The following ZNF292 variants were observed in gnomAD, a reference collection of about 807,000 sequenced individuals.
ZNF292 encodes 16 zinc-finger domain protein.
ZNF292 carries 26 observed loss-of-function variants against 217.9 expected under a neutral mutation model. The observed-to-expected ratio is 0.12, with a 90% confidence interval of 0.09 to 0.17. ZNF292 has a LOEUF of 0.17. ZNF292 is among the 10% of genes least tolerant of loss of function. The pLI is 1.00. For missense variants in ZNF292, 2,904 were observed against 3,175.2 expected (o/e 0.91, Z 2.05); for synonymous variants, 1,257 against 1,124.1 (o/e 1.12, Z -2.37).
chr6:87,228,355 T>C (rs193283825), intron 4 of ZNF292, among the ~76,000 whole-genome samples: 5 of 152,304 alleles, frequency 3.3e-5, no homozygotes, highest in Admixed American at 1.3e-4. Flanking sequence ...GATTTGCAAA[T>C]ATTTTCTCTC....
In ZNF292 at chr6:87,258,121, G is replaced by A; in HGVS notation, c.4492G>A (p.Gly1498Ser). The change falls in exon 8 of 8, where the codon GGC becomes AGC. Residue 1498 changes from glycine to serine, a missense_variant. Physicochemically the swap from Gly to Ser is moderately conservative, Grantham distance 56. This residue lies in a region of ZNF292 where 622 missense variants were observed against 573.1 expected (regional missense o/e 1.09). Transcript: ENST00000369577. The stretch of plus-strand genomic sequence containing the variant: ...TATTAAACAGGCTTTGGAAACTGCT[G>A]GCATTCCCAGTACATTTGAGGGTGC... Reference protein sequence around the residue: ...EIIKQALETAGIPSTFEGAEM... With the variant: ...EIIKQALETASIPSTFEGAEM... The A allele has an allele frequency of 6.2e-7, 1 of 1,612,418 alleles. No homozygotes were observed. The highest frequency in any genetic ancestry group is 8.5e-7 in the Non-Finnish European group (1 of 1,179,204).
At chr6:87,190,717 G>C (rs1373800869) in intron 1 of ZNF292, among the ~76,000 whole-genome samples, 1 of 152,004 alleles carries the variant, frequency 6.6e-6, no homozygotes, top group Non-Finnish European at 1.5e-5. Context: ...CAGGTGATTT[G>C]CCCACCTCAG....
At chr6:87,160,692 A>G (rs930139871) in intron 1 of ZNF292, among the ~76,000 whole-genome samples, 1 of 151,838 alleles carries the variant, frequency 6.6e-6, no homozygotes, top group Non-Finnish European at 1.5e-5. Flanking sequence ...GTGTATATAT[A>G]TATATATAAT....
At position 87,259,981 on chromosome 6, in the gene ZNF292, C is replaced by T. The variant is rs1775473894; in HGVS notation, c.6352C>T (p.His2118Tyr). ...TCCTTACAGACCTTATCGATGTGTT[C>T]ACCAGGGATGCTTTGCTGCCTTTAC... Reference protein sequence around the residue: ...YSPYRPYRCVHQGCFAAFTIQ... With the variant: ...YSPYRPYRCVYQGCFAAFTIQ... The change falls in exon 8 of 8, where the codon CAC becomes TAC. Residue 2118 changes from histidine (H) to tyrosine (Y), a missense_variant. By Grantham distance (83) the His-to-Tyr change is moderately conservative (BLOSUM62 2). Transcript: ENST00000369577. 1.1e-5 allele frequency: 17 copies of T among 1,613,608 alleles called. No homozygotes were observed. The highest frequency in any genetic ancestry group is 1.4e-5 in the Non-Finnish European group (16 of 1,179,680).
chr6:87,173,966 C>A, intron 1 of ZNF292: 1 of 256,124 alleles, frequency 3.9e-6, no homozygotes, highest in South Asian at 5.0e-5. Context: ...TACCCTGGTT[C>A]AGGGCAGAAA....
In ZNF292 at chr6:87,258,468, G is replaced by C; in HGVS notation, c.4839G>C (p.Gln1613His). Residue 1613 changes from glutamine to histidine, a missense_variant, in exon 8 of 8, where the codon CAG becomes CAC. Around this residue, in one of 15 missense-constraint regions of ZNF292, gnomAD observed 622 missense variants for 573.1 expected, o/e 1.09. Coordinates refer to ENST00000369577, the MANE Select transcript of ZNF292 (RefSeq NM_015021.3). ...GTGTTTCTGTTATAAGTGGTCCTCAGAACACAAGATCCAGTCATTTAAATA... is the reference window on the plus strand; with the variant it reads ...GTGTTTCTGTTATAAGTGGTCCTCACAACACAAGATCCAGTCATTTAAATA... ...SSRVSVISGP[Q>H]NTRSSHLNKK... 6.2e-7 allele frequency: 1 copy of C among 1,613,590 alleles called. No individual in the cohort carries two copies. The highest frequency in any genetic ancestry group is 2.2e-5 in the East Asian group (1 of 44,872).
chr6:87,257,601 G>C lies in ZNF292; in HGVS notation c.3972G>C (p.Val1324=). Reference sequence around the variant, plus strand: ...AAAATGCAGTTTTTCCTTCACAAGTGAATGTTGCAAATAACTTCAGTAGCA... The same window carrying C: ...AAAATGCAGTTTTTCCTTCACAAGTCAATGTTGCAAATAACTTCAGTAGCA... ...NGENAVFPSQ[V]NVANNFSSTN... is the part of the protein sequence containing the mutation. The change falls in exon 8 of 8, where the codon GTG becomes GTC. Residue 1324 remains valine (V), a synonymous_variant. Transcript: ENST00000369577. 6.2e-7 allele frequency: 1 copy of C among 1,607,080 alleles called. No individual in the cohort carries two copies. The highest frequency in any genetic ancestry group is 8.5e-7 in the Non-Finnish European group (1 of 1,176,364).
intron 1 of ZNF292, among the ~76,000 whole-genome samples, chr6:87,173,105 G>A (rs1771160306): frequency 6.6e-6 from 1 of 151,938 alleles, no homozygotes. Flanking sequence ...AGAGTTGAGA[G>A]TGACAGCAGC....
At chr6:87,228,422 A>C (rs911357743) in intron 4 of ZNF292, among the ~76,000 whole-genome samples, 8 of 152,152 alleles carry the variant, frequency 5.3e-5, no homozygotes, top group African/African-American at 9.7e-5. Flanking sequence ...TCCTTTGCAC[A>C]AAAGTTTTTA....
chr6:87,261,079 C>T lies in ZNF292; in HGVS notation c.7450C>T (p.Leu2484=), dbSNP rs1462608593. 6.2e-7 allele frequency: 1 copy of T among 1,608,714 alleles called. No individual in the cohort carries two copies. Among genetic ancestry groups the T allele is most frequent in the East Asian group, 2.2e-5 (1 of 44,740 alleles). The change falls in exon 8 of 8, where the codon CTA becomes TTA. Residue 2484 remains leucine, a synonymous_variant. Transcript: ENST00000369577. ...EKNEKDEMDE[L]TELFITKLIN... is the part of the protein sequence containing the mutation. ...AAATGAAAAAGATGAAATGGATGAA[C>T]TAACAGAATTGTTTATTACAAAATT...
chr6:87,196,927 C>A (rs1289759803), intron 1 of ZNF292, among the ~76,000 whole-genome samples: 1 of 152,044 alleles, frequency 6.6e-6, no homozygotes, highest in African/African-American at 2.4e-5. Flanking sequence ...ACAATAGATC[C>A]AGAAAATTAT....
intron 3 of ZNF292, 99 bp downstream of exon 3, chr6:87,216,476 A>G (rs1772783721): frequency 2.5e-6 from 2 of 805,414 alleles, no homozygotes; most frequent in South Asian, 1.7e-5. Flanking sequence ...ACATCTCAAT[A>G]ATGACAGACA....
Position 87,257,071 on chromosome 6 carries a change from C to T in ZNF292, c.3442C>T (p.Pro1148Ser), listed in dbSNP as rs780324757. The stretch of plus-strand genomic sequence containing the variant: ...TCAGAAAGCTAACAACTTAAATACA[C>T]CAAATAATGGAAAGTTTGTTTATTT... ...KGQKANNLNT[P>S]NNGKFVYFLP... The change falls in exon 8 of 8, where the codon CCA (proline) becomes TCA (serine). Residue 1148 changes from proline to serine, a missense_variant. Pro to Ser is a moderately conservative substitution (Grantham distance 74, BLOSUM62 -1). Coordinates refer to ENST00000369577, the MANE Select transcript of ZNF292 (RefSeq NM_015021.3). The T allele has an allele frequency of 6.2e-7, 1 of 1,613,844 alleles. No individual in the cohort carries two copies. Among genetic ancestry groups the T allele is most frequent in the Non-Finnish European group, 8.5e-7 (1 of 1,179,822 alleles).
chr6:87,163,148 T>C (rs1173874172), intron 1 of ZNF292, among the ~76,000 whole-genome samples: 3 of 152,160 alleles, frequency 2.0e-5, no homozygotes, highest in Non-Finnish European at 4.4e-5. Context: ...GAAGATTTGT[T>C]AAAATTCAGT....
At chr6:87,252,761 C>T (rs1774988126) in intron 7 of ZNF292, among the ~76,000 whole-genome samples, 1 of 152,120 alleles carries the variant, frequency 6.6e-6, no homozygotes, top group Non-Finnish European at 1.5e-5. Flanking sequence ...AGGCATGTAA[C>T]AGAGATGCAG....
At chr6:87,188,945 C>T (rs1385356193) in intron 1 of ZNF292, among the ~76,000 whole-genome samples, 1 of 152,024 alleles carries the variant, frequency 6.6e-6, no homozygotes, top group African/African-American at 2.4e-5. Flanking sequence ...TGGCTCTTGC[C>T]TGTAATCCCA....
intron 4 of ZNF292, among the ~76,000 whole-genome samples, chr6:87,228,450 T>G (rs1163477208): frequency 6.6e-5 from 10 of 152,204 alleles, no homozygotes; most frequent in Admixed American, 5.2e-4. Context: ...TGTAGTTTTA[T>G]TTTTGCTTTT....
At chr6:87,175,046 A>C (rs1293496276) in intron 1 of ZNF292, among the ~76,000 whole-genome samples, 1 of 152,166 alleles carries the variant, frequency 6.6e-6, no homozygotes, top group Non-Finnish European at 1.5e-5. Context: ...ACCACTTCAG[A>C]GAACCATCCC....
chr6:87,216,862 T>C (rs1582437110), intron 3 of ZNF292, among the ~76,000 whole-genome samples: 1 of 152,064 alleles, frequency 6.6e-6, no homozygotes, highest in East Asian at 1.9e-4. Context: ...TAAGGTTCTT[T>C]ATTCCAAAGC....
Sources: allele counts gnomAD v4.1 joint callset (sites outside exome capture counted in the v4.1 genomes callset), GRCh38; gene constraint gnomAD v4.1.1; regional missense constraint gnomAD v4.1.1; transcripts MANE v1.5; gene names NCBI Gene and HGNC (gene_info 2026-07-23, HGNC 2026-07-21).